The following PCDH15 variants were observed in gnomAD, a reference collection of about 807,000 sequenced individuals.
The protein encoded by PCDH15 is protocadherin-15.
PCDH15 carries 129 observed loss-of-function variants against 178.5 expected under a neutral mutation model. The ratio of observed to expected loss-of-function variants is 0.72; its 90% CI spans 0.63 to 0.84. PCDH15 has a LOEUF of 0.84. Among genes scored for constraint, PCDH15 ranks in the 40% least tolerant of loss-of-function variants. PCDH15 has a pLI of 0.00. For synonymous variants in PCDH15, 800 were observed against 732.0 expected, an observed-to-expected ratio of 1.09 and a Z score of -1.50; for missense variants, 2,230 against 2,099.9, an observed-to-expected ratio of 1.06 and a Z score of -1.21.
intron 5 of PCDH15, among the ~76,000 whole-genome samples, chr10:54,352,911 A>G (rs1375047129): frequency 6.6e-6 from 1 of 152,174 alleles, no homozygotes; most frequent in African/African-American, 2.4e-5. Flanking sequence ...AAATAATGTT[A>G]TAGATTCATT....
intron 1 of PCDH15, among the ~76,000 whole-genome samples, chr10:55,265,684 A>G (rs1173003356): frequency 6.6e-6 from 1 of 152,170 alleles, no homozygotes; most frequent in Non-Finnish European, 1.5e-5. Context: ...TAAGTTGTTC[A>G]TTATCGACCA....
At chr10:55,280,502 T>C (rs1592045393) in intron 1 of PCDH15, among the ~76,000 whole-genome samples, 1 of 148,934 alleles carries the variant, frequency 6.7e-6, no homozygotes, top group East Asian at 2.0e-4. Flanking sequence ...TTGGTCAGGC[T>C]GCTCTTGAAC....
At chr10:55,515,270 C>A (rs746882671) in intron 2 of PCDH15, among the ~76,000 whole-genome samples, 8 of 151,930 alleles carry the variant, frequency 5.3e-5, no homozygotes, top group Non-Finnish European at 1.0e-4. Context: ...TGAGCCACTG[C>A]GCGTGGCCGG....
intron 2 of PCDH15, among the ~76,000 whole-genome samples, chr10:55,438,890 A>G (rs928484315): frequency 6.0e-5 from 9 of 150,584 alleles, no homozygotes; most frequent in Non-Finnish European, 7.4e-5. Flanking sequence ...ATTATTATTA[A>G]TTTTATTATA....
intron 2 of PCDH15, among the ~76,000 whole-genome samples, chr10:55,620,012 C>T (rs550814196): frequency 5.3e-5 from 8 of 152,138 alleles, no homozygotes; most frequent in African/African-American, 1.9e-4. Flanking sequence ...CTTGCCCAAC[C>T]CTTCCTCTAT....
chr10:55,103,041 GA>G (rs1426019052), intron 2 of PCDH15, among the ~76,000 whole-genome samples: 6 of 152,036 alleles, frequency 3.9e-5, no homozygotes, highest in African/African-American at 1.4e-4. Flanking sequence ...GGATGTGGAA[GA>G]GGGGCAGGCG....
At chr10:54,481,103 A>T (rs547942522) in intron 3 of PCDH15, among the ~76,000 whole-genome samples, 1 of 152,012 alleles carries the variant, frequency 6.6e-6, no homozygotes, top group East Asian at 1.9e-4. Context: ...AATTGAAAAG[A>T]ATTTTTAAAA....
rs1027675902 is a variant in PCDH15, at chr10:54,039,754, G to A, written c.2221-16557C>T. On this transcript the variant is annotated intron_variant, in intron 18 of 37. Coordinates refer to ENST00000644397, the MANE Select transcript of PCDH15 (RefSeq NM_001384140.1). The stretch of plus-strand genomic sequence containing the variant: ...TGAGGAAAACTCCACTTCCTCCTAG[G>A]TTCTCAAGGGAACATATGACACTTG... Among the ~76,000 whole-genome samples, 11 of 151,870 alleles carry A rather than the reference G, an allele frequency of 7.2e-5. No homozygotes were observed. The East Asian group carries it at 2.1e-3, about 30-fold the overall frequency.
At chr10:55,052,489 C>T (rs1841188543) in intron 2 of PCDH15, among the ~76,000 whole-genome samples, 1 of 134,338 alleles carries the variant, frequency 7.4e-6, no homozygotes, top group Non-Finnish European at 1.5e-5. Flanking sequence ...ACCTTGACCT[C>T]AGGAGTTCAA....
intron 2 of PCDH15, among the ~76,000 whole-genome samples, chr10:54,601,428 A>G: frequency 6.6e-6 from 1 of 152,078 alleles, no homozygotes; most frequent in East Asian, 1.9e-4. Context: ...GCCAAAAAAA[A>G]GTATTTTAAA....
chr10:53,822,968 C>T, intron 32 of PCDH15: 1 of 1,614,102 alleles, frequency 6.2e-7, no homozygotes, highest in Non-Finnish European at 8.5e-7. Context: ...TTGGAACTTT[C>T]CTCATCAGCC....
At chr10:54,005,994 C>T (rs1310283007) in intron 20 of PCDH15, among the ~76,000 whole-genome samples, 1 of 151,964 alleles carries the variant, frequency 6.6e-6, no homozygotes, top group Non-Finnish European at 1.5e-5. Context: ...GAATGAGATC[C>T]TATAATGTGC....
chr10:55,216,189 T>C (rs968455009), intron 1 of PCDH15, among the ~76,000 whole-genome samples: 5 of 151,880 alleles, frequency 3.3e-5, no homozygotes, highest in African/African-American at 1.2e-4. Context: ...ATATTGCACA[T>C]CTAGTTTAAT....
intron 21 of PCDH15, among the ~76,000 whole-genome samples, chr10:53,971,191 TG>T (rs1401215639): frequency 6.6e-6 from 1 of 152,158 alleles, no homozygotes. Flanking sequence ...AAAAACCACA[TG>T]ATTATCTCAA....
chr10:54,853,289 G>GTGTGTA (rs1249570811), intron 3 of PCDH15, among the ~76,000 whole-genome samples: 3 of 102,576 alleles, frequency 2.9e-5, no homozygotes, highest in Admixed American at 1.1e-4. Context: ...ATGTATGTGT[G>GTGTGTA]TATATATATA....
At position 53,805,455 on chromosome 10, in the gene PCDH15, A is replaced by G. The variant is rs1172540101; in HGVS notation, c.*1124T>C. The G allele has an allele frequency of 6.6e-6, 1 of 152,112 alleles. No homozygotes were observed. The highest frequency in any genetic ancestry group is 1.5e-5 in the Non-Finnish European group (1 of 67,984). 9.4% of individuals were successfully genotyped at this position (152,112 alleles called of 1,614,324 possible). On this transcript the variant is annotated 3_prime_UTR_variant, in exon 38 of 38. Transcript: ENST00000644397. ...TGCTTTGTTCAATGGTAAAAAATCA[A>G]GACCATGTTCTTTGATTTTAAAAAA... is the stretch of plus-strand genomic sequence containing the variant.
chr10:54,783,001 A>G (rs192805186), intron 1 of PCDH15, among the ~76,000 whole-genome samples: 42 of 152,264 alleles, frequency 2.8e-4, no homozygotes, highest in Admixed American at 2.5e-3. Context: ...TATAAAAGCT[A>G]CTCCATAAAA....
intron 2 of PCDH15, among the ~76,000 whole-genome samples, chr10:55,337,874 A>T (rs191740543): frequency 6.6e-6 from 1 of 152,272 alleles, no homozygotes; most frequent in African/African-American, 2.4e-5. Flanking sequence ...TATAGAGACA[A>T]TTCACAGAAT....
intron 3 of PCDH15, among the ~76,000 whole-genome samples, chr10:54,485,473 T>A (rs926102826): frequency 6.6e-6 from 1 of 152,008 alleles, no homozygotes; most frequent in Non-Finnish European, 1.5e-5. Context: ...AAGAGCAAAG[T>A]ATAATTGCAT....
Sources: allele counts gnomAD v4.1 joint callset (sites outside exome capture counted in the v4.1 genomes callset), GRCh38; gene constraint gnomAD v4.1.1; transcripts MANE v1.5; gene names NCBI Gene and HGNC (gene_info 2026-07-23, HGNC 2026-07-21).